Variants in NRXN1 observed in about 807,000 individuals in gnomAD.
NRXN1 encodes neurexin 1.
A neutral mutation model predicts 150.9 loss-of-function variants in NRXN1; 39 were observed. The observed-to-expected ratio is 0.26, with a 90% CI of 0.20 to 0.34. NRXN1 has a LOEUF of 0.34. Ranked by LOEUF, NRXN1 falls within the 10% of genes least tolerant of loss-of-function variation. NRXN1 has a pLI of 1.00. For missense variants in NRXN1, 1,815 were observed against 1,949.9 expected (o/e 0.93, Z 1.30); for synonymous variants, 924 against 757.0 (o/e 1.22, Z -3.62).
chr2:50,014,444 T>G (rs1181659311), intron 21 of NRXN1, among the ~76,000 whole-genome samples: 3 of 152,118 alleles, frequency 2.0e-5, no homozygotes, highest in African/African-American at 7.2e-5. Flanking sequence ...GGGACTGACC[T>G]GTGCACTGTA....
intron 5 of NRXN1, among the ~76,000 whole-genome samples, chr2:50,772,381 TA>T (rs2105456888): frequency 6.6e-6 from 1 of 151,610 alleles, no homozygotes; most frequent in South Asian, 2.1e-4. Context: ...CTAGGTGCTA[TA>T]AAGATTAAAA....
intron 21 of NRXN1, among the ~76,000 whole-genome samples, chr2:50,047,543 A>T (rs1692007001): frequency 6.6e-6 from 1 of 152,076 alleles, no homozygotes; most frequent in African/African-American, 2.4e-5. Context: ...GGCACTATCC[A>T]TACAGGGTGC....
chr2:50,376,356 T>C (rs1054604886), intron 17 of NRXN1, among the ~76,000 whole-genome samples: 4 of 149,832 alleles, frequency 2.7e-5, no homozygotes, highest in Non-Finnish European at 5.9e-5. Context: ...TGCCAAATTT[T>C]GAAGCAAAAT....
intron 21 of NRXN1, among the ~76,000 whole-genome samples, chr2:49,992,350 C>A (rs1377009280): frequency 6.6e-6 from 1 of 150,534 alleles, no homozygotes; most frequent in Non-Finnish European, 1.5e-5. Context: ...CCATCCTGGA[C>A]AACATGGTGA....
chr2:50,728,909 G>A (rs1210958387), intron 5 of NRXN1, among the ~76,000 whole-genome samples: 1 of 152,178 alleles, frequency 6.6e-6, no homozygotes, highest in South Asian at 2.1e-4. Context: ...AGAGTCTTGA[G>A]TGCATGGTTT....
At chr2:50,373,294 T>TTTATTATTATTATTATTA (rs6146761) in intron 17 of NRXN1, among the ~76,000 whole-genome samples, 17 of 140,396 alleles carry the variant, frequency 1.2e-4, no homozygotes, top group African/African-American at 4.3e-4. Flanking sequence ...TATTTTATTT[T>TTTATTATTATTATTATTA]TTATTATTAT....
intron 21 of NRXN1, among the ~76,000 whole-genome samples, chr2:49,951,706 C>G (rs1211188824): frequency 1.3e-5 from 2 of 152,014 alleles, no homozygotes; most frequent in Non-Finnish European, 2.9e-5. Flanking sequence ...GTATGAATAT[C>G]TAGTCCTATT....
Position 50,800,098 on chromosome 2 carries a change from T to C in NRXN1, c.832+121771A>G, listed in dbSNP as rs78300102. Among the ~76,000 whole-genome samples, 1,104 of 152,344 alleles carry C rather than the reference T, an allele frequency of 7.2e-3. 10 individuals carry two copies. The highest frequency in any genetic ancestry group is 0.025 in the African/African-American group (1,046 of 41,580). ...AGTCAGTATTTCGTGACATACTCTT[T>C]GGCCTCTAAGCAGGAATAACGCACT... On this transcript the variant is annotated intron_variant, in intron 5 of 22. Transcript: ENST00000401669.
intron 12 of NRXN1, among the ~76,000 whole-genome samples, chr2:50,521,227 A>G (rs1164942895): frequency 1.3e-5 from 2 of 152,202 alleles, no homozygotes; most frequent in East Asian, 3.9e-4. Context: ...TTCAAAAGCA[A>G]TTTTAACCAT....
intron 5 of NRXN1, among the ~76,000 whole-genome samples, chr2:50,816,181 G>C (rs1668903095): frequency 6.6e-6 from 1 of 152,006 alleles, no homozygotes; most frequent in African/African-American, 2.4e-5. Flanking sequence ...ATGAGTCAAA[G>C]TCATATTAGA....
At chr2:50,715,357 C>A (rs567268109) in intron 5 of NRXN1, among the ~76,000 whole-genome samples, 8 of 152,198 alleles carry the variant, frequency 5.3e-5, no homozygotes, top group African/African-American at 1.9e-4. Flanking sequence ...CATTGGGGAA[C>A]CTTCCACTAC....
intron 1 of NRXN1, among the ~76,000 whole-genome samples, chr2:51,029,590 A>T (rs979874696): frequency 6.6e-6 from 1 of 152,236 alleles, no homozygotes; most frequent in African/African-American, 2.4e-5. Flanking sequence ...AACCTATTCA[A>T]ATCTCAGTTA....
intron 17 of NRXN1, among the ~76,000 whole-genome samples, chr2:50,329,117 AT>A (rs2076577719): frequency 6.6e-6 from 1 of 152,220 alleles, no homozygotes; most frequent in African/African-American, 2.4e-5. Context: ...CATAAACAAA[AT>A]TAAAAGGTAT....
chr2:50,190,750 T>C (rs1228089100), intron 18 of NRXN1, among the ~76,000 whole-genome samples: 1 of 151,636 alleles, frequency 6.6e-6, no homozygotes, highest in East Asian at 2.0e-4. Context: ...GTAGCTGGGA[T>C]TACAGGCATG....
chr2:50,170,321 A>T (rs895756776), intron 18 of NRXN1, among the ~76,000 whole-genome samples: 1 of 152,010 alleles, frequency 6.6e-6, no homozygotes, highest in Non-Finnish European at 1.5e-5. Context: ...TTTTTGAGAC[A>T]GTCTCACTCT....
chr2:50,836,343 C>T (rs932488357), intron 5 of NRXN1, among the ~76,000 whole-genome samples: 1 of 152,026 alleles, frequency 6.6e-6, no homozygotes, highest in Non-Finnish European at 1.5e-5. Context: ...TTAAAATCTA[C>T]CCCCTTAGCA....
intron 21 of NRXN1, among the ~76,000 whole-genome samples, chr2:50,045,785 A>G (rs1165046943): frequency 6.6e-6 from 1 of 152,194 alleles, no homozygotes; most frequent in Non-Finnish European, 1.5e-5. Flanking sequence ...CAACTTCACC[A>G]GTCCTGAGAA....
At chr2:50,763,190 T>C (rs963995194) in intron 5 of NRXN1, among the ~76,000 whole-genome samples, 10 of 151,976 alleles carry the variant, frequency 6.6e-5, no homozygotes, top group Non-Finnish European at 1.2e-4. Flanking sequence ...GTTCCTGTAA[T>C]TGACAGCTAT....
chr2:50,564,616 T>C lies in NRXN1; in HGVS notation c.1321-11591A>G, dbSNP rs543524383. Among the ~76,000 whole-genome samples, 9 of 152,304 alleles carry C rather than the reference T, an allele frequency of 5.9e-5. No homozygotes were observed. In the South Asian group the frequency reaches 1.7e-3, roughly 28 times the overall value. On this transcript the variant is annotated intron_variant, in intron 8 of 22. Transcript: ENST00000401669. ...TGATGGAATTATAGCTGGATGCAAA[T>C]ACTTGTTTTATTTAGCTTATACTGG...
Sources: allele counts gnomAD v4.1 joint callset (sites outside exome capture counted in the v4.1 genomes callset), GRCh38; gene constraint gnomAD v4.1.1; transcripts MANE v1.5; gene names NCBI Gene and HGNC (gene_info 2026-07-23, HGNC 2026-07-21).